CENPP: variants seen among roughly 807,000 people sequenced by gnomAD.
CENPP encodes the protein centromere protein P.
In CENPP, 24 loss-of-function variants were observed where a neutral mutation model predicts 35.6. That is an observed-to-expected ratio of 0.67 (90% CI 0.49 to 0.95). CENPP has a LOEUF of 0.95. Among genes scored for constraint, CENPP ranks in the 40% least tolerant of loss-of-function variants. The pLI is 0.00. For synonymous variants in CENPP, 120 were observed against 125.5 expected, an observed-to-expected ratio of 0.96 and a Z score of 0.29; for missense variants, 332 against 345.3, an observed-to-expected ratio of 0.96 and a Z score of 0.31.
At chr9:92,389,790 A>T in intron 5 of CENPP, 2 of 1,082,870 alleles carry the variant, frequency 1.8e-6, no homozygotes, top group Non-Finnish European at 2.7e-6. Flanking sequence ...TCTAGACCAA[A>T]GTTTCTCTTT....
chr9:92,618,150 A>C lies in CENPP; in HGVS notation c.*5001A>C. 2.3e-6 allele frequency: 1 copy of C among 441,944 alleles called. No individual in the cohort carries two copies. Among genetic ancestry groups the C allele is most frequent in the Non-Finnish European group, 4.6e-6 (1 of 218,936 alleles). 27.4% of individuals were successfully genotyped at this position (441,944 alleles called of 1,614,324 possible). A position where few individuals can be genotyped will look rare whatever the true frequency, so the allele number is the denominator to read the frequency against. ...CCTTCCTGGAAGCAGGCCCAGCCCC[A>C]CACGCCATGTTCTCGGAGGAGAAGC... On this transcript the variant is annotated 3_prime_UTR_variant, in exon 8 of 8. Transcript: ENST00000375587.
At chr9:92,475,697 CA>C (rs773492542) in intron 5 of CENPP, among the ~76,000 whole-genome samples, 2 of 152,288 alleles carry the variant, frequency 1.3e-5, no homozygotes, top group Admixed American at 1.3e-4. Flanking sequence ...CCACCTTTCC[CA>C]ACCTCACTCT....
At position 92,517,842 on chromosome 9, in the gene CENPP, G is replaced by C. The variant is rs35496743; in HGVS notation, c.565-93472G>C. On this transcript the variant is annotated intron_variant, in intron 5 of 7. Coordinates refer to ENST00000375587, the MANE Select transcript of CENPP (RefSeq NM_001012267.3). ...CGACCACACAGCTTTGTTGTACATG[G>C]TTATGCCCTTTACCAAACAGTGTCC... 183 of 1,614,148 alleles carry C rather than the reference G, an allele frequency of 1.1e-4. No homozygotes were observed. The African/African-American group carries it at 2.2e-3, about 19-fold the overall frequency.
intron 5 of CENPP, among the ~76,000 whole-genome samples, chr9:92,515,793 C>T (rs2131213342): frequency 6.6e-6 from 1 of 152,302 alleles, no homozygotes; most frequent in South Asian, 2.1e-4. Flanking sequence ...TTCTCTGTCC[C>T]AGACTCTATA....
intron 5 of CENPP, among the ~76,000 whole-genome samples, chr9:92,547,845 G>A (rs1162762529): frequency 6.6e-6 from 1 of 152,170 alleles, no homozygotes; most frequent in African/African-American, 2.4e-5. Flanking sequence ...TTTAAATGGT[G>A]AAATACTGAC....
chr9:92,420,478 G>A (rs1191343970), intron 5 of CENPP, among the ~76,000 whole-genome samples: 3 of 152,150 alleles, frequency 2.0e-5, no homozygotes, highest in African/African-American at 7.2e-5. Context: ...GGAGCATGGT[G>A]ACTGGTCTCA....
intron 5 of CENPP, chr9:92,393,342 T>C (rs1325702558): frequency 1.1e-6 from 1 of 902,066 alleles, no homozygotes; most frequent in South Asian, 2.2e-5. Flanking sequence ...TATTACTAAT[T>C]TGAAGAGATG....
At chr9:92,464,569 C>T (rs1056987460) in intron 5 of CENPP, among the ~76,000 whole-genome samples, 1 of 152,230 alleles carries the variant, frequency 6.6e-6, no homozygotes, top group Non-Finnish European at 1.5e-5. Flanking sequence ...GGGTCTCTTG[C>T]CCCATCTATC....
intron 5 of CENPP, among the ~76,000 whole-genome samples, chr9:92,556,822 C>T (rs1294766564): frequency 1.3e-5 from 2 of 152,120 alleles, no homozygotes; most frequent in Non-Finnish European, 2.9e-5. Flanking sequence ...AGCACTTAGG[C>T]CATTTACAGT....
intron 4 of CENPP, among the ~76,000 whole-genome samples, chr9:92,371,888 C>T (rs1479302100): frequency 5.7e-5 from 8 of 140,960 alleles, no homozygotes; most frequent in South Asian, 2.3e-4. Flanking sequence ...TTTTTTGAGA[C>T]GGAGTCTCTC....
intron 5 of CENPP, among the ~76,000 whole-genome samples, chr9:92,604,572 G>A (rs1474500774): frequency 6.6e-6 from 1 of 152,004 alleles, no homozygotes; most frequent in Non-Finnish European, 1.5e-5. Flanking sequence ...TTTCTCTTAT[G>A]GTCACTGCTT....
chr9:92,425,810 A>T (rs1038656754), intron 5 of CENPP, among the ~76,000 whole-genome samples: 1 of 152,176 alleles, frequency 6.6e-6, no homozygotes, highest in Non-Finnish European at 1.5e-5. Flanking sequence ...TCTTTTCCAT[A>T]TGTTTTCTGT....
chr9:92,483,378 G>A (rs1212045546), intron 5 of CENPP, among the ~76,000 whole-genome samples: 3 of 152,006 alleles, frequency 2.0e-5, no homozygotes, highest in East Asian at 1.9e-4. Flanking sequence ...GCAGGCGCCC[G>A]CCACCACGCC....
At chr9:92,330,174 G>A (rs1840696737) in intron 1 of CENPP, among the ~76,000 whole-genome samples, 1 of 152,212 alleles carries the variant, frequency 6.6e-6, no homozygotes, top group African/African-American at 2.4e-5. Flanking sequence ...TGTCAGGCAA[G>A]TGAAGGAGTC....
chr9:92,579,192 TG>T (rs1850358205), intron 5 of CENPP, among the ~76,000 whole-genome samples: 1 of 148,894 alleles, frequency 6.7e-6, no homozygotes, highest in Non-Finnish European at 1.5e-5. Context: ...CATGCTGTTT[TG>T]GTTACTGTAG....
intron 5 of CENPP, among the ~76,000 whole-genome samples, chr9:92,406,633 A>G (rs974469813): frequency 6.6e-6 from 1 of 152,186 alleles, no homozygotes; most frequent in East Asian, 1.9e-4. Flanking sequence ...TTTGAAGTGC[A>G]TCTGGCACTG....
chr9:92,546,696 T>A (rs912667633), intron 5 of CENPP, among the ~76,000 whole-genome samples: 7 of 152,172 alleles, frequency 4.6e-5, no homozygotes, highest in African/African-American at 1.7e-4. Flanking sequence ...GCTTCATTCT[T>A]GAAGTCAGTG....
chr9:92,394,903 G>A lies in CENPP; in HGVS notation c.564+15044G>A, dbSNP rs530289174. Among the ~76,000 whole-genome samples, 14 of 151,926 alleles carry A rather than the reference G, an allele frequency of 9.2e-5. No individual in the cohort carries two copies. In the South Asian group the frequency reaches 1.2e-3, roughly 14 times the overall value. The stretch of plus-strand genomic sequence containing the variant: ...ATTACAGGTGTGAGCCACCACGCCC[G>A]GCCTATTTTTTGAAATTTTAATTGA... On this transcript the variant is annotated intron_variant, in intron 5 of 7. Coordinates refer to ENST00000375587, the MANE Select transcript of CENPP (RefSeq NM_001012267.3).
At chr9:92,569,544 G>T (rs1261502315) in intron 5 of CENPP, among the ~76,000 whole-genome samples, 1 of 152,162 alleles carries the variant, frequency 6.6e-6, no homozygotes, top group Non-Finnish European at 1.5e-5. Context: ...TTTTGCTTAG[G>T]ATTGTCTTGG....
Sources: allele counts gnomAD v4.1 joint callset (sites outside exome capture counted in the v4.1 genomes callset), GRCh38; gene constraint gnomAD v4.1.1; transcripts MANE v1.5; gene names NCBI Gene and HGNC (gene_info 2026-07-23, HGNC 2026-07-21).